The following DMD variants were observed in gnomAD, a reference collection of about 807,000 sequenced individuals.
DMD encodes the protein mutant dystrophin.
In DMD, 63 loss-of-function variants were observed where a neutral mutation model predicts 330.1. The observed-to-expected ratio is 0.19, with a 90% CI of 0.16 to 0.24. DMD has a LOEUF of 0.24. DMD is among the 10% of genes least tolerant of loss of function. The pLI is 1.00. For synonymous variants in DMD, 1,223 were observed against 959.8 expected, an observed-to-expected ratio of 1.27 and a Z score of -5.07; for missense variants, 3,344 against 2,684.1, an observed-to-expected ratio of 1.25 and a Z score of -5.43.
At chrX:32,607,156 A>T (rs568522390) in intron 12 of DMD, among the ~76,000 whole-genome samples, 1 of 110,399 alleles carries the variant, frequency 9.1e-6, no homozygotes, top group Non-Finnish European at 1.9e-5. Flanking sequence ...TTCTTCTAAG[A>T]CATGCTTATT....
At chrX:31,155,869 G>A (rs1045850469) in intron 74 of DMD, among the ~76,000 whole-genome samples, 3 of 109,882 alleles carry the variant, frequency 2.7e-5, no homozygotes, top group Admixed American at 9.9e-5. Flanking sequence ...CATGCCTGTA[G>A]TCTCAGCTAC....
At chrX:31,791,476 A>G (rs972392836) in intron 50 of DMD, among the ~76,000 whole-genome samples, 1 of 111,302 alleles carries the variant, frequency 9.0e-6, no homozygotes, top group Admixed American at 9.6e-5. Context: ...AAGTGAGTGA[A>G]TATTGCCAAC....
intron 44 of DMD, among the ~76,000 whole-genome samples, chrX:32,188,066 C>G (rs1051951553): frequency 4.5e-5 from 5 of 110,431 alleles, no homozygotes; most frequent in Non-Finnish European, 7.6e-5. Context: ...CAAATGCAGG[C>G]GTAACATCTA....
At chrX:32,740,022 C>T (rs184483490) in intron 7 of DMD, among the ~76,000 whole-genome samples, 3 of 109,932 alleles carry the variant, frequency 2.7e-5, no homozygotes, top group East Asian at 5.8e-4. Context: ...ATCTTTTACT[C>T]TGCCTACTTG....
intron 48 of DMD, among the ~76,000 whole-genome samples, chrX:31,841,106 T>C (rs1357068425): frequency 9.0e-6 from 1 of 111,495 alleles, no homozygotes; most frequent in Non-Finnish European, 1.9e-5. Context: ...TGAAGAAAAT[T>C]AAAAGTGCCA....
intron 52 of DMD, among the ~76,000 whole-genome samples, chrX:31,701,890 T>C (rs994892928): frequency 8.9e-6 from 1 of 112,704 alleles, no homozygotes; most frequent in Non-Finnish European, 1.9e-5. Context: ...TGAGAAGCAA[T>C]AGTCTATACC....
intron 43 of DMD, among the ~76,000 whole-genome samples, chrX:32,271,594 G>T (rs2097365296): frequency 8.9e-6 from 1 of 112,756 alleles, no homozygotes; most frequent in Non-Finnish European, 1.9e-5. Context: ...TTTCATAATT[G>T]TGACAAACAT....
intron 17 of DMD, among the ~76,000 whole-genome samples, chrX:32,538,314 C>A (rs2048180658): frequency 9.0e-6 from 1 of 111,388 alleles, no homozygotes; most frequent in African/African-American, 3.3e-5. Flanking sequence ...TTGTTTTTGC[C>A]CCACCTTAAC....
intron 13 of DMD, among the ~76,000 whole-genome samples, chrX:32,593,585 T>C (rs1434196519): frequency 2.7e-5 from 3 of 110,630 alleles, no homozygotes. Flanking sequence ...GGCTCTCAAA[T>C]TACCCATCGC....
At chrX:31,162,378 A>AAAAAAG (rs3032383) in intron 74 of DMD, among the ~76,000 whole-genome samples, 3 of 99,587 alleles carry the variant, frequency 3.0e-5, no homozygotes, top group African/African-American at 4.1e-5. Flanking sequence ...AAAAAAAAAA[A>AAAAAAG]GGGAAATTGG....
intron 44 of DMD, among the ~76,000 whole-genome samples, chrX:32,144,842 G>T (rs2096771036): frequency 9.0e-6 from 1 of 111,088 alleles, no homozygotes; most frequent in African/African-American, 3.3e-5. Flanking sequence ...AGACCAGCCT[G>T]GCCAACATGG....
chrX:32,399,037 G>A (rs2098066932), intron 30 of DMD, among the ~76,000 whole-genome samples: 2 of 111,906 alleles, frequency 1.8e-5, no homozygotes, highest in African/African-American at 3.2e-5. Context: ...ATATCCAAAT[G>A]CAGAATAAAA....
chrX:31,370,307 A>G (rs908453151), intron 60 of DMD, among the ~76,000 whole-genome samples: 1 of 111,711 alleles, frequency 9.0e-6, no homozygotes, highest in Non-Finnish European at 1.9e-5. Flanking sequence ...AGAAAGGACT[A>G]GTATCTGATA....
chrX:33,058,472 T>TC (rs1569552123), intron 1 of DMD, among the ~76,000 whole-genome samples: 25 of 54,507 alleles, frequency 4.6e-4, no homozygotes, highest in African/African-American at 3.4e-3. Context: ...TATTATTTTA[T>TC]TTTTTTTTTT....
chrX:32,774,957 C>T (rs1348233187), intron 7 of DMD, among the ~76,000 whole-genome samples: 1 of 112,307 alleles, frequency 8.9e-6, no homozygotes, highest in Non-Finnish European at 1.9e-5. Flanking sequence ...CAAAAGCAAG[C>T]TAGTTACTTC....
At chrX:32,554,089 G>C (rs1178458182) in intron 16 of DMD, among the ~76,000 whole-genome samples, 2 of 112,302 alleles carry the variant, frequency 1.8e-5, no homozygotes, top group East Asian at 5.6e-4. Context: ...TGAAACTAAT[G>C]AGAACAAAGA....
intron 1 of DMD, among the ~76,000 whole-genome samples, chrX:33,226,184 A>G (rs921264273): frequency 5.4e-4 from 60 of 111,620 alleles, no homozygotes; most frequent in African/African-American, 1.9e-3. Flanking sequence ...AACTAAACAT[A>G]CAACTAACCT....
intron 50 of DMD, among the ~76,000 whole-genome samples, chrX:31,777,428 T>C (rs1052753862): frequency 3.6e-5 from 4 of 110,390 alleles, no homozygotes; most frequent in Non-Finnish European, 7.6e-5. Flanking sequence ...GTAGAATATT[T>C]AGGCTTTCTA....
At position 32,353,175 on chromosome X, in the gene DMD, A is replaced by G. The variant is rs370289411; in HGVS notation, c.5326-4647T>C. ...GCCATATGATTAATAGTCTTTGGACACAAAGAGATGAAAAAAATTCATTGC... is the reference window on the plus strand; with the variant it reads ...GCCATATGATTAATAGTCTTTGGACGCAAAGAGATGAAAAAAATTCATTGC... On this transcript the variant is annotated intron_variant, in intron 37 of 78. Transcript: ENST00000357033. Among the ~76,000 whole-genome samples, 4 of 111,356 alleles carry G rather than the reference A, an allele frequency of 3.6e-5. No individual in the cohort carries two copies. The East Asian group carries it at 1.1e-3, about 31-fold the overall frequency.
Sources: gnomAD v4.1 joint callset for allele counts (sites outside exome capture counted in the v4.1 genomes callset) on GRCh38, gnomAD v4.1.1 for gene constraint, MANE v1.5 for transcripts, NCBI Gene and HGNC (gene_info 2026-07-23, HGNC 2026-07-21) for gene names.